SPAG16: variants seen among roughly 807,000 people sequenced by gnomAD.
SPAG16 encodes the protein sperm-associated antigen 16 protein.
A neutral mutation model predicts 80.4 loss-of-function variants in SPAG16; 86 were observed. The ratio of observed to expected loss-of-function variants is 1.07; its 90% CI spans 0.90 to 1.28. The LOEUF is 1.28. SPAG16 is among the 50% of genes most tolerant of loss of function. The pLI, the probability that SPAG16 is intolerant of heterozygous loss-of-function variation, is 0.00. For missense variants in SPAG16, 870 were observed against 765.3 expected, an observed-to-expected ratio of 1.14 and a Z score of -1.61; for synonymous variants, 294 against 265.9, an observed-to-expected ratio of 1.11 and a Z score of -1.03.
intron 15 of SPAG16, among the ~76,000 whole-genome samples, chr2:214,259,242 C>T (rs1000383753): frequency 6.6e-6 from 1 of 151,704 alleles, no homozygotes; most frequent in African/African-American, 2.4e-5. Context: ...TTTCAGGTGG[C>T]CAGCAACTCA....
chr2:213,351,555 T>C (rs1238338331), intron 7 of SPAG16, among the ~76,000 whole-genome samples: 1 of 152,180 alleles, frequency 6.6e-6, no homozygotes, highest in African/African-American at 2.4e-5. Flanking sequence ...AATGTTTATA[T>C]GCCACTTTAA....
chr2:214,053,511 T>G (rs1173111791), intron 13 of SPAG16, among the ~76,000 whole-genome samples: 1 of 152,052 alleles, frequency 6.6e-6, no homozygotes, highest in Non-Finnish European at 1.5e-5. Context: ...TTTTTATGTA[T>G]GGCAGAGAAG....
At chr2:213,330,256 T>G (rs905341317) in intron 5 of SPAG16, among the ~76,000 whole-genome samples, 3 of 152,120 alleles carry the variant, frequency 2.0e-5, no homozygotes, top group African/African-American at 7.2e-5. Context: ...CAGCTTGCAC[T>G]GTGCACCTGG....
intron 10 of SPAG16, among the ~76,000 whole-genome samples, chr2:213,603,500 G>A (rs865877772): frequency 1.1e-4 from 16 of 152,022 alleles, no homozygotes; most frequent in South Asian, 1.0e-3. Flanking sequence ...CTCACTGAGG[G>A]AATTCACGCT....
At chr2:213,868,053 A>T (rs764908269) in intron 11 of SPAG16, among the ~76,000 whole-genome samples, 31 of 151,950 alleles carry the variant, frequency 2.0e-4, no homozygotes, top group Non-Finnish European at 3.4e-4. Flanking sequence ...TGGAAAAATG[A>T]TATGCAACCA....
chr2:213,681,217 G>T (rs572473501), intron 10 of SPAG16, among the ~76,000 whole-genome samples: 4 of 152,304 alleles, frequency 2.6e-5, no homozygotes, highest in Admixed American at 2.0e-4. Context: ...TCAAGGTATG[G>T]CAAGGAAATA....
intron 13 of SPAG16, among the ~76,000 whole-genome samples, chr2:214,092,595 T>C (rs1273774321): frequency 6.6e-6 from 1 of 152,024 alleles, no homozygotes. Context: ...TGTTACCTTA[T>C]TTATTGTATC....
rs370437619 is a variant in SPAG16 at position 213,457,021 on chromosome 2, G to A, written c.943-32942G>A. On this transcript the variant is annotated intron_variant, in intron 9 of 15. Coordinates refer to ENST00000331683, the MANE Select transcript of SPAG16 (RefSeq NM_024532.5). ...TTAAATGTTGTGTAGGATCCTAAAT[G>A]TTCGCATTGCATTTTTTCCCTTTCA... Among the ~76,000 whole-genome samples, 6 of 151,380 alleles carry A rather than the reference G, an allele frequency of 4.0e-5. No individual in the cohort carries two copies. In the South Asian group the frequency reaches 1.3e-3, roughly 32 times the overall value.
At chr2:213,403,891 C>T (rs1288601959) in intron 9 of SPAG16, among the ~76,000 whole-genome samples, 1 of 152,146 alleles carries the variant, frequency 6.6e-6, no homozygotes, top group Non-Finnish European at 1.5e-5. Context: ...ACAAAAATCA[C>T]AAGCATTCTT....
intron 15 of SPAG16, among the ~76,000 whole-genome samples, chr2:214,203,982 G>A (rs538673059): frequency 1.2e-3 from 190 of 152,272 alleles, no homozygotes; most frequent in African/African-American, 4.3e-3. Context: ...ACTCAGTACC[G>A]TTGTGGGGGC....
chr2:213,839,731 C>T (rs1320426835), intron 10 of SPAG16, among the ~76,000 whole-genome samples: 1 of 152,074 alleles, frequency 6.6e-6, no homozygotes, highest in Non-Finnish European at 1.5e-5. Context: ...ATGCAGCATG[C>T]ATACTACCAT....
chr2:213,444,887 T>C (rs2071199246), intron 9 of SPAG16, among the ~76,000 whole-genome samples: 1 of 152,056 alleles, frequency 6.6e-6, no homozygotes. Context: ...GGCATAAAAA[T>C]AGACATATAG....
chr2:214,170,592 G>A (rs1214101724), intron 15 of SPAG16, among the ~76,000 whole-genome samples: 1 of 151,956 alleles, frequency 6.6e-6, no homozygotes, highest in African/African-American at 2.4e-5. Flanking sequence ...TTGTGATTTA[G>A]GAAACAGGGT....
chr2:213,932,764 T>C (rs2078821801), intron 12 of SPAG16, among the ~76,000 whole-genome samples: 1 of 152,054 alleles, frequency 6.6e-6, no homozygotes, highest in Non-Finnish European at 1.5e-5. Context: ...ATATAGAAAA[T>C]TTCAGATCAA....
intron 9 of SPAG16, among the ~76,000 whole-genome samples, chr2:213,458,547 G>A (rs2072173587): frequency 6.6e-6 from 1 of 152,154 alleles, no homozygotes; most frequent in South Asian, 2.1e-4. Context: ...ACTCCAGCGT[G>A]GGCAACAGAG....
chr2:214,106,133 C>CA (rs1166266669), intron 13 of SPAG16, among the ~76,000 whole-genome samples: 3 of 151,976 alleles, frequency 2.0e-5, no homozygotes, highest in Non-Finnish European at 4.4e-5. Context: ...TTCATTAATA[C>CA]AAAAATATTT....
intron 15 of SPAG16, among the ~76,000 whole-genome samples, chr2:214,390,044 T>A (rs1176945027): frequency 6.6e-6 from 1 of 152,232 alleles, no homozygotes; most frequent in Non-Finnish European, 1.5e-5. Context: ...GTAGGATACC[T>A]TGTAATTATC....
chr2:213,689,682 C>T (rs2064857096), intron 10 of SPAG16, among the ~76,000 whole-genome samples: 1 of 152,172 alleles, frequency 6.6e-6, no homozygotes, highest in African/African-American at 2.4e-5. Context: ...ATTGTTCTCA[C>T]TATTCTTTTC....
chr2:213,334,635 A>T (rs1434027282), intron 5 of SPAG16, among the ~76,000 whole-genome samples: 1 of 152,208 alleles, frequency 6.6e-6, no homozygotes, highest in East Asian at 1.9e-4. Context: ...GTAAAAATGA[A>T]TGAGATTCTG....
Sources: gnomAD v4.1 joint callset for allele counts (sites outside exome capture counted in the v4.1 genomes callset) on GRCh38, gnomAD v4.1.1 for gene constraint, MANE v1.5 for transcripts, NCBI Gene and HGNC (gene_info 2026-07-23, HGNC 2026-07-21) for gene names.